The following SEC24B variants were observed in gnomAD, a reference collection of about 807,000 sequenced individuals.
SEC24B encodes the protein protein transport protein Sec24B.
A neutral mutation model predicts 142.8 loss-of-function variants in SEC24B; 45 were observed. The observed-to-expected ratio is 0.32, with a 90% CI of 0.25 to 0.40. The LOEUF is 0.40. SEC24B is among the 10% of genes least tolerant of loss of function. SEC24B has a pLI of 1.00. For missense variants in SEC24B, 1,409 were observed against 1,526.8 expected, an observed-to-expected ratio of 0.92 and a Z score of 1.29; for synonymous variants, 574 against 568.2, an observed-to-expected ratio of 1.01 and a Z score of -0.15.
At chr4:109,483,710 G>A (rs544921430) in intron 4 of SEC24B, among the ~76,000 whole-genome samples, 7 of 152,128 alleles carry the variant, frequency 4.6e-5, no homozygotes, top group Admixed American at 2.6e-4. Flanking sequence ...TATGCGACTC[G>A]GGATAAAAAT....
intron 2 of SEC24B, among the ~76,000 whole-genome samples, chr4:109,466,843 T>G (rs1055346194): frequency 6.6e-6 from 1 of 152,214 alleles, no homozygotes; most frequent in African/African-American, 2.4e-5. Flanking sequence ...GATGCAAAAG[T>G]ATAAACCTGA....
chr4:109,433,877 C>T lies in SEC24B; in HGVS notation c.8C>T (p.Ala3Val), dbSNP rs1405002067. The T allele has an allele frequency of 5.2e-6, 7 of 1,338,978 alleles. No individual in the cohort carries two copies. The highest frequency in any genetic ancestry group is 1.5e-5 in the African/African-American group (1 of 65,470). The allele number at this position is 1,338,978 out of a possible 1,614,324, so 82.9% of individuals were successfully genotyped here. A position where few individuals can be genotyped will look rare whatever the true frequency, so the allele number is the denominator to read the frequency against. Residue 3 changes from alanine (A) to valine (V), a missense_variant, in exon 1 of 24, where the codon GCC becomes GTC. Ala to Val is a moderately conservative substitution (Grantham distance 64). Transcript: ENST00000265175. ...GTCGCCACCAGCGCCGTCATGTCGG[C>T]CCCCGCCGGGTCCTCTCACCCGGCC... MS[A>V]PAGSSHPAAS...
At chr4:109,481,803 G>A (rs780034199) in intron 4 of SEC24B, 22 bp downstream of exon 4, 2 of 1,556,802 alleles carry the variant, frequency 1.3e-6, no homozygotes, top group East Asian at 2.2e-5. Context: ...CTTTACACCA[G>A]TTCTTGATCT....
chr4:109,453,804 T>G (rs979863144), intron 1 of SEC24B, among the ~76,000 whole-genome samples: 1 of 152,120 alleles, frequency 6.6e-6, no homozygotes, highest in Non-Finnish European at 1.5e-5. Flanking sequence ...GTCTATGAGA[T>G]CTTCACAATT....
intron 4 of SEC24B, among the ~76,000 whole-genome samples, chr4:109,485,372 CTG>C (rs1336567504): frequency 1.3e-5 from 2 of 152,146 alleles, no homozygotes. Context: ...GAGATTCAAA[CTG>C]AGGTCTTTCT....
intron 9 of SEC24B, among the ~76,000 whole-genome samples, chr4:109,512,970 T>A (rs1289799632): frequency 7.7e-6 from 1 of 130,158 alleles, no homozygotes; most frequent in Non-Finnish European, 1.5e-5. Flanking sequence ...CTAAGCCTGA[T>A]CTTTTTTTTT....
At chr4:109,504,194 G>A (rs1353774268) in intron 6 of SEC24B, among the ~76,000 whole-genome samples, 1 of 152,006 alleles carries the variant, frequency 6.6e-6, no homozygotes, top group African/African-American at 2.4e-5. Context: ...TTAGGGAGGT[G>A]GACAGCATTT....
In SEC24B at chr4:109,433,920, G is replaced by T. The variant is rs751733882; in HGVS notation, c.51G>T (p.Pro17=). ...SSHPAASARI[P]PKFGGAAVSG... is the part of the protein sequence containing the mutation. ...ACCCGGCCGCCAGCGCCCGGATCCC[G>T]CCCAAGTTCGGCGGAGCGGCCGTCT... is the stretch of plus-strand genomic sequence containing the variant. The change falls in exon 1 of 24, where the codon CCG becomes CCT. Residue 17 remains proline (P), a synonymous_variant. Coordinates refer to ENST00000265175, the MANE Select transcript of SEC24B (RefSeq NM_006323.5). 5.3e-6 allele frequency: 7 copies of T among 1,317,620 alleles called. No homozygotes were observed. Among genetic ancestry groups the T allele is most frequent in the Admixed American group, 6.8e-5 (2 of 29,548 alleles). The allele number at this position is 1,317,620 out of a possible 1,614,324, so 81.6% of individuals were successfully genotyped here. A position where few individuals can be genotyped will look rare whatever the true frequency, so the allele number is the denominator to read the frequency against.
intron 15 of SEC24B, 36 bp downstream of exon 15, chr4:109,524,977 G>T: frequency 1.3e-6 from 2 of 1,557,766 alleles, no homozygotes; most frequent in South Asian, 2.4e-5. Context: ...TTGTTTAAAT[G>T]AACATTTTTA....
chr4:109,539,631 T>TA lies in SEC24B; in HGVS notation c.3764dup (p.Tyr1255Ter). Residue 1255 changes from tyrosine to a stop codon, truncating the protein, a stop_gained and frameshift_variant, in exon 24 of 24, where the codon TAC becomes TAAC. Coordinates refer to ENST00000265175, the MANE Select transcript of SEC24B (RefSeq NM_006323.5). LOFTEE classifies it high-confidence loss of function. The part of the protein sequence containing the change: ...IEDRTEAAFS[Y>*]YEFLLHVQQQ... ...AGACCGGACAGAGGCTGCATTTTCT[T>TA]ACTATGAATTTTTGCTTCATGTTCA... is the stretch of plus-strand genomic sequence containing the variant. 6.2e-7 allele frequency: 1 copy of TA among 1,613,942 alleles called. No homozygotes were observed. The highest frequency in any genetic ancestry group is 8.5e-7 in the Non-Finnish European group (1 of 1,179,904).
chr4:109,438,667 G>A (rs1009773157), intron 1 of SEC24B, among the ~76,000 whole-genome samples: 3 of 152,244 alleles, frequency 2.0e-5, no homozygotes, highest in Non-Finnish European at 4.4e-5. Flanking sequence ...GAAAGGAATA[G>A]AGAGGCAGAA....
At chr4:109,523,038 A>T (rs749237834) in intron 14 of SEC24B, among the ~76,000 whole-genome samples, 12 of 149,902 alleles carry the variant, frequency 8.0e-5, no homozygotes, top group African/African-American at 2.9e-4. Context: ...TATTTGCACT[A>T]TTTTTTTTTT....
At chr4:109,511,155 T>G (rs1737280046) in intron 8 of SEC24B, among the ~76,000 whole-genome samples, 2 of 151,794 alleles carry the variant, frequency 1.3e-5, no homozygotes, top group Non-Finnish European at 2.9e-5. Context: ...TGAGAGAGTT[T>G]TTCTCTAAAT....
In SEC24B at chr4:109,463,026, T is replaced by C. The variant is rs1731451354; in HGVS notation, c.259T>C (p.Cys87Arg). 1.9e-6 allele frequency: 3 copies of C among 1,614,032 alleles called. No individual in the cohort carries two copies. The East Asian group carries it at 6.7e-5, about 36-fold the overall frequency. The change falls in exon 2 of 24, where the codon TGT becomes CGT. Residue 87 changes from cysteine to arginine, a missense_variant. By Grantham distance (180) the Cys-to-Arg change is radical. Coordinates refer to ENST00000265175, the MANE Select transcript of SEC24B (RefSeq NM_006323.5). ...GACCTCATTGCCATTGGATACCCAG[T>C]GTGGTGATTACTACTCTGCTCTCTA... Reference protein sequence around the residue: ...KMTSLPLDTQCGDYYSALYTV... With the variant: ...KMTSLPLDTQRGDYYSALYTV...
intron 5 of SEC24B, among the ~76,000 whole-genome samples, chr4:109,493,820 C>T (rs1238111712): frequency 6.6e-6 from 1 of 152,108 alleles, no homozygotes; most frequent in African/African-American, 2.4e-5. Flanking sequence ...TGGTCTCAAA[C>T]TCCTGACCTC....
intron 1 of SEC24B, among the ~76,000 whole-genome samples, chr4:109,444,352 A>C (rs542084291): frequency 6.6e-6 from 1 of 152,134 alleles, no homozygotes; most frequent in Non-Finnish European, 1.5e-5. Context: ...AAGGAATGTT[A>C]AAAAGTACTC....
chr4:109,448,933 CTT>C (rs1196198243), intron 1 of SEC24B, among the ~76,000 whole-genome samples: 2 of 140,028 alleles, frequency 1.4e-5, no homozygotes, highest in Non-Finnish European at 1.6e-5. Context: ...TTAGTCTTGT[CTT>C]TTTTTTTTTT....
At chr4:109,516,216 G>A (rs916860018) in intron 10 of SEC24B, among the ~76,000 whole-genome samples, 2 of 152,126 alleles carry the variant, frequency 1.3e-5, no homozygotes, top group African/African-American at 4.8e-5. Context: ...CATCTAGAGA[G>A]CTTAGTATTA....
chr4:109,532,487 C>G, intron 20 of SEC24B, 152 bp from the exon 21 acceptor site: 1 of 584,270 alleles, frequency 1.7e-6, no homozygotes, highest in South Asian at 2.3e-5. Flanking sequence ...GATTCTACAG[C>G]CAAGGTGGTA....
Sources: allele counts gnomAD v4.1 joint callset (sites outside exome capture counted in the v4.1 genomes callset), GRCh38; gene constraint gnomAD v4.1.1; transcripts MANE v1.5; gene names NCBI Gene and HGNC (gene_info 2026-07-23, HGNC 2026-07-21).